Variants in TENM4 observed in about 807,000 individuals in gnomAD.
TENM4 encodes the protein teneurin-4.
Under a neutral mutation model 243.3 loss-of-function variants are expected in TENM4, and 82 were observed. That is an observed-to-expected ratio of 0.34 (90% confidence interval 0.28 to 0.40). The LOEUF is 0.40. Ranked by LOEUF, TENM4 falls within the 10% of genes least tolerant of loss-of-function variation. The probability of loss-of-function intolerance (pLI) is 1.00; values close to 1 mark genes in which losing one functional copy is unlikely to be tolerated. For synonymous variants in TENM4, 1,412 were observed against 1,456.3 expected, an observed-to-expected ratio of 0.97 and a Z score of 0.69; for missense variants, 3,138 against 3,673.3, an observed-to-expected ratio of 0.85 and a Z score of 3.77.
chr11:78,777,785 C>T (rs933477613), intron 17 of TENM4, among the ~76,000 whole-genome samples: 3 of 152,096 alleles, frequency 2.0e-5, no homozygotes, highest in Non-Finnish European at 4.4e-5. Context: ...TGTGTTAGGG[C>T]CTGAGAACAA....
intron 6 of TENM4, among the ~76,000 whole-genome samples, chr11:78,989,920 C>G (rs937928712): frequency 6.6e-6 from 1 of 151,896 alleles, no homozygotes; most frequent in Non-Finnish European, 1.5e-5. Context: ...AAAAATTAGC[C>G]GAGTGTGGTG....
intron 1 of TENM4, among the ~76,000 whole-genome samples, chr11:79,340,113 G>T (rs1255420855): frequency 6.6e-6 from 1 of 152,196 alleles, no homozygotes; most frequent in Non-Finnish European, 1.5e-5. Flanking sequence ...AGCTTCGAAT[G>T]GAATCAATTT....
At chr11:78,715,418 C>T (rs1859499047) in intron 25 of TENM4, among the ~76,000 whole-genome samples, 1 of 152,110 alleles carries the variant, frequency 6.6e-6, no homozygotes, top group Non-Finnish European at 1.5e-5. Flanking sequence ...GTGAGGGGGC[C>T]CTGTCCACTT....
intron 4 of TENM4, among the ~76,000 whole-genome samples, chr11:79,091,822 T>G (rs923335536): frequency 1.3e-5 from 2 of 152,210 alleles, no homozygotes; most frequent in African/African-American, 2.4e-5. Flanking sequence ...CACTCTGGCC[T>G]GCACACCTGT....
At chr11:79,274,281 G>T (rs1035665717) in intron 2 of TENM4, among the ~76,000 whole-genome samples, 1 of 152,238 alleles carries the variant, frequency 6.6e-6, no homozygotes, top group Non-Finnish European at 1.5e-5. Flanking sequence ...ACAAATTCTC[G>T]TGAAGGTCTT....
chr11:78,973,008 GATTTC>G (rs1194075452), intron 6 of TENM4, among the ~76,000 whole-genome samples: 8 of 152,166 alleles, frequency 5.3e-5, no homozygotes, highest in Non-Finnish European at 1.0e-4. Context: ...CAACGATTAG[GATTTC>G]ATTTCATTTC....
chr11:79,209,911 T>C (rs1863925720), intron 3 of TENM4, among the ~76,000 whole-genome samples: 1 of 152,172 alleles, frequency 6.6e-6, no homozygotes, highest in Non-Finnish European at 1.5e-5. Flanking sequence ...TTACTGGAAA[T>C]GGGGACATTT....
At chr11:78,811,919 C>T (rs1233355905) in intron 14 of TENM4, among the ~76,000 whole-genome samples, 6 of 152,220 alleles carry the variant, frequency 3.9e-5, no homozygotes, top group Non-Finnish European at 8.8e-5. Flanking sequence ...TGACATTTCT[C>T]CCCTTCATTG....
intron 1 of TENM4, among the ~76,000 whole-genome samples, chr11:79,333,582 T>C (rs1012747760): frequency 6.6e-6 from 1 of 152,140 alleles, no homozygotes; most frequent in South Asian, 2.1e-4. Context: ...ATGCACATAG[T>C]AGTTTCTGGC....
At chr11:79,032,431 T>C (rs1859267855) in intron 6 of TENM4, among the ~76,000 whole-genome samples, 1 of 152,174 alleles carries the variant, frequency 6.6e-6, no homozygotes, top group Non-Finnish European at 1.5e-5. Flanking sequence ...ACAGGGCAAG[T>C]ACAGGCCTGG....
intron 23 of TENM4, among the ~76,000 whole-genome samples, chr11:78,724,424 G>T (rs1855469296): frequency 6.6e-6 from 1 of 152,184 alleles, no homozygotes; most frequent in African/African-American, 2.4e-5. Context: ...ATTTTAAAGT[G>T]TTATCTTTCT....
At chr11:79,382,246 G>T (rs1409970056) in intron 1 of TENM4, among the ~76,000 whole-genome samples, 1 of 152,154 alleles carries the variant, frequency 6.6e-6, no homozygotes, top group Non-Finnish European at 1.5e-5. Flanking sequence ...GAGGGAATTG[G>T]CAGTGGCCGT....
At chr11:78,750,922 C>A (rs1856174774) in intron 19 of TENM4, among the ~76,000 whole-genome samples, 1 of 151,892 alleles carries the variant, frequency 6.6e-6, no homozygotes, top group Non-Finnish European at 1.5e-5. Flanking sequence ...CTCTGTCACC[C>A]AGGCTGGAGT....
intron 6 of TENM4, among the ~76,000 whole-genome samples, chr11:78,952,019 G>A (rs965994527): frequency 1.8e-4 from 28 of 152,024 alleles, no homozygotes; most frequent in Admixed American, 2.0e-4. Flanking sequence ...GGCACACTCC[G>A]TCACCAGTTC....
At chr11:79,265,121 G>C (rs1049092551) in intron 2 of TENM4, among the ~76,000 whole-genome samples, 1 of 152,160 alleles carries the variant, frequency 6.6e-6, no homozygotes. Context: ...TTGAGACCCC[G>C]GACAAACTGA....
At chr11:79,288,337 A>G (rs1196346076) in intron 2 of TENM4, among the ~76,000 whole-genome samples, 4 of 152,272 alleles carry the variant, frequency 2.6e-5, no homozygotes, top group Non-Finnish European at 4.4e-5. Context: ...CTTAAAAGCC[A>G]GGCTGTGCCT....
At chr11:79,159,766 A>G (rs1161518128) in intron 3 of TENM4, among the ~76,000 whole-genome samples, 1 of 152,118 alleles carries the variant, frequency 6.6e-6, no homozygotes, top group Admixed American at 6.5e-5. Context: ...CGTTCACTCA[A>G]TCAATTATTC....
intron 30 of TENM4, among the ~76,000 whole-genome samples, chr11:78,675,719 A>G (rs1338496049): frequency 6.6e-6 from 1 of 152,240 alleles, no homozygotes; most frequent in Admixed American, 6.5e-5. Context: ...AGTAATAGCA[A>G]TAATGGTAAT....
chr11:79,399,007 G>A (rs1475452857), intron 1 of TENM4, among the ~76,000 whole-genome samples: 1 of 152,142 alleles, frequency 6.6e-6, no homozygotes, highest in Non-Finnish European at 1.5e-5. Context: ...GGTGTGCAGA[G>A]GGAAGTGTGC....
Sources: allele counts gnomAD v4.1 joint callset (sites outside exome capture counted in the v4.1 genomes callset), GRCh38; gene constraint gnomAD v4.1.1; transcripts MANE v1.5; gene names NCBI Gene and HGNC (gene_info 2026-07-23, HGNC 2026-07-21).